The following DYRK1A variants were observed in gnomAD, a reference collection of about 807,000 sequenced individuals.
DYRK1A encodes the protein dual specificity tyrosine-phosphorylation-regulated kinase 1A.
In DYRK1A, 9 loss-of-function variants were observed where a neutral mutation model predicts 79.7. The observed-to-expected ratio is 0.11, with a 90% CI of 0.07 to 0.20. DYRK1A has a LOEUF of 0.20. Ranked by LOEUF, DYRK1A falls within the 10% of genes least tolerant of loss-of-function variation. The pLI is 1.00. For missense variants in DYRK1A, 622 were observed against 956.0 expected (o/e 0.65, Z 4.61); for synonymous variants, 349 against 329.7 (o/e 1.06, Z -0.63).
chr21:37,416,121 T>G (rs2050333393), intron 1 of DYRK1A, among the ~76,000 whole-genome samples: 1 of 152,128 alleles, frequency 6.6e-6, no homozygotes, highest in South Asian at 2.1e-4. Context: ...ACCCTTGCTT[T>G]CCCTGTTGAT....
chr21:37,492,494 A>G (rs1438539851), intron 7 of DYRK1A, among the ~76,000 whole-genome samples: 2 of 152,206 alleles, frequency 1.3e-5, no homozygotes, highest in African/African-American at 4.8e-5. Flanking sequence ...TCTCAATTGA[A>G]TCTTTATGTG....
intron 3 of DYRK1A, among the ~76,000 whole-genome samples, chr21:37,477,263 A>G (rs912418570): frequency 6.6e-6 from 1 of 152,210 alleles, no homozygotes; most frequent in Non-Finnish European, 1.5e-5. Context: ...ACAAATGTCC[A>G]GAAGAGTTGG....
chr21:37,467,479 C>T (rs946103494), intron 2 of DYRK1A, among the ~76,000 whole-genome samples: 1 of 152,338 alleles, frequency 6.6e-6, no homozygotes, highest in Non-Finnish European at 1.5e-5. Context: ...GATTTTCCCA[C>T]CTTGGCCTCC....
intron 8 of DYRK1A, among the ~76,000 whole-genome samples, chr21:37,494,342 TG>T (rs2053193444): frequency 6.6e-6 from 1 of 152,160 alleles, no homozygotes; most frequent in African/African-American, 2.4e-5. Flanking sequence ...TGTTACTCAT[TG>T]TAAAGGCCGA....
At chr21:37,384,225 C>T (rs549311092) in intron 1 of DYRK1A, among the ~76,000 whole-genome samples, 1 of 152,244 alleles carries the variant, frequency 6.6e-6, no homozygotes, top group South Asian at 2.1e-4. Context: ...GAGGAGGGAG[C>T]TATACTGAGA....
At chr21:37,381,802 A>G (rs1479389477) in intron 1 of DYRK1A, among the ~76,000 whole-genome samples, 2 of 152,192 alleles carry the variant, frequency 1.3e-5, no homozygotes, top group Non-Finnish European at 2.9e-5. Flanking sequence ...CTCAAAAACA[A>G]AAACAACAAC....
intron 3 of DYRK1A, among the ~76,000 whole-genome samples, chr21:37,473,399 A>G (rs997982147): frequency 1.3e-5 from 2 of 152,234 alleles, no homozygotes; most frequent in Non-Finnish European, 2.9e-5. Flanking sequence ...AATGGTGTAA[A>G]TAGAATACAT....
chr21:37,512,964 T>A lies in DYRK1A; in HGVS notation c.*433T>A, dbSNP rs2053801325. On this transcript the variant is annotated 3_prime_UTR_variant, in exon 12 of 12. Coordinates refer to ENST00000647188, the MANE Select transcript of DYRK1A (RefSeq NM_001347721.2). ...TTTTGTCCCCCCCATCCCCCTTTTT[T>A]TTTGTTTTGTTCTGTTTTGTTTTGG... is the stretch of plus-strand genomic sequence containing the variant. 1 of 161,734 alleles carries A rather than the reference T, an allele frequency of 6.2e-6. No homozygotes were observed. Among genetic ancestry groups the A allele is most frequent in the Non-Finnish European group, 1.4e-5 (1 of 73,794 alleles). The allele number at this position is 161,734 out of a possible 1,614,324, so 10.0% of individuals were successfully genotyped here.
chr21:37,405,303 G>A (rs988274086), intron 1 of DYRK1A, among the ~76,000 whole-genome samples: 9 of 152,060 alleles, frequency 5.9e-5, no homozygotes, highest in African/African-American at 2.2e-4. Context: ...TCCCATTATT[G>A]GATGTTTTTG....
chr21:37,510,752 T>C (rs539283372), intron 11 of DYRK1A, among the ~76,000 whole-genome samples: 92 of 152,120 alleles, frequency 6.0e-4, no homozygotes, highest in African/African-American at 2.1e-3. Context: ...ACTTGTCTAC[T>C]GTGTCCAGCA....
In DYRK1A at chr21:37,438,529, C is replaced by A. The variant is rs1183683323; in HGVS notation, c.10+18145C>A. On this transcript the variant is annotated intron_variant, in intron 2 of 11. Transcript: ENST00000647188. Reference sequence around the variant, plus strand: ...GCTGCAAAGTATAGATCAAAGATCACTTTTTTTTGCAAATGGATATTCATT... The same window carrying A: ...GCTGCAAAGTATAGATCAAAGATCAATTTTTTTTGCAAATGGATATTCATT... Among the ~76,000 whole-genome samples the A allele has an allele frequency of 3.3e-5, 5 of 151,870 alleles. No homozygotes were observed. The East Asian group carries it at 5.8e-4, about 18-fold the overall frequency.
At chr21:37,392,195 A>C (rs1488393373) in intron 1 of DYRK1A, among the ~76,000 whole-genome samples, 4 of 152,190 alleles carry the variant, frequency 2.6e-5, no homozygotes, top group African/African-American at 9.7e-5. Flanking sequence ...AGCAGTGTTA[A>C]AATGCTCAAT....
At chr21:37,379,659 A>C (rs2049616835) in intron 1 of DYRK1A, among the ~76,000 whole-genome samples, 1 of 152,222 alleles carries the variant, frequency 6.6e-6, no homozygotes, top group Non-Finnish European at 1.5e-5. Flanking sequence ...GAAGCTGTGA[A>C]TCTGTAAAGG....
intron 11 of DYRK1A, 70 bp downstream of exon 11, chr21:37,506,293 G>C (rs539865453): frequency 2.5e-6 from 4 of 1,612,926 alleles, no homozygotes; most frequent in Admixed American, 1.7e-5. Flanking sequence ...TGGATGCCAG[G>C]TGCCTTTAGA....
chr21:37,506,365 A>T, intron 11 of DYRK1A, 142 bp downstream of exon 11: 1 of 1,551,528 alleles, frequency 6.4e-7, no homozygotes, highest in Non-Finnish European at 8.7e-7. Context: ...GTAAGTATTT[A>T]TCATAGAGAA....
chr21:37,444,581 G>T (rs1415611221), intron 2 of DYRK1A, among the ~76,000 whole-genome samples: 3 of 151,464 alleles, frequency 2.0e-5, no homozygotes, highest in Non-Finnish European at 4.4e-5. Context: ...TGGACAAGAA[G>T]GGTTTTCCTG....
chr21:37,444,030 C>G (rs143083813), intron 2 of DYRK1A, among the ~76,000 whole-genome samples: 3 of 152,142 alleles, frequency 2.0e-5, no homozygotes, highest in African/African-American at 7.2e-5. Context: ...TACTTCTGTG[C>G]TCTTAGGGTG....
chr21:37,514,984 TAC>T lies in DYRK1A; in HGVS notation c.*2457_*2458del, dbSNP rs2148667809. On this transcript the variant is annotated 3_prime_UTR_variant, in exon 12 of 12. Coordinates refer to ENST00000647188, the MANE Select transcript of DYRK1A (RefSeq NM_001347721.2). ...TACAGTCCAGTTTTGTGTGCTTTAC[TAC>T]ACAGTTTGGTTACAGGACTTCTGTG... 1 of 152,782 alleles carries T rather than the reference TAC, an allele frequency of 6.5e-6. No individual in the cohort carries two copies. The highest frequency in any genetic ancestry group is 3.4e-3 in the Middle Eastern group (1 of 294). 9.5% of individuals were successfully genotyped at this position (152,782 alleles called of 1,614,324 possible). A position where few individuals can be genotyped will look rare whatever the true frequency, so the allele number is the denominator to read the frequency against.
chr21:37,493,957 C>T (rs1227074518), intron 8 of DYRK1A, among the ~76,000 whole-genome samples: 7 of 120,944 alleles, frequency 5.8e-5, no homozygotes, highest in East Asian at 2.4e-4. Context: ...TTTTTTTTCC[C>T]GGAGATGGAG....
Sources: allele counts gnomAD v4.1 joint callset (sites outside exome capture counted in the v4.1 genomes callset), GRCh38; gene constraint gnomAD v4.1.1; transcripts MANE v1.5; gene names NCBI Gene and HGNC (gene_info 2026-07-23, HGNC 2026-07-21).